The following HEATR4 variants were observed in gnomAD, a reference collection of about 807,000 sequenced individuals.
HEATR4 encodes HEAT repeat-containing protein 4.
In HEATR4, 95 loss-of-function variants were observed where a neutral mutation model predicts 108.8. The ratio of observed to expected loss-of-function variants is 0.87; its 90% CI spans 0.74 to 1.04. The LOEUF (loss-of-function observed/expected upper bound fraction) is 1.04, where lower values mean the gene tolerates loss of function less well. Ranked by LOEUF, HEATR4 falls within the 50% of genes least tolerant of loss-of-function variation. The pLI, the probability that HEATR4 is intolerant of heterozygous loss-of-function variation, is 0.00. For synonymous variants in HEATR4, 443 were observed against 459.4 expected, an observed-to-expected ratio of 0.96 and a Z score of 0.46; for missense variants, 1,152 against 1,253.8, an observed-to-expected ratio of 0.92 and a Z score of 1.23.
chr14:73,491,838 C>A (rs776243646), intron 17 of HEATR4: 1 of 1,609,140 alleles, frequency 6.2e-7, no homozygotes, highest in East Asian at 2.2e-5. Context: ...CGACGCGAGA[C>A]CCTGAACCCA....
At chr14:73,572,113 C>T in the HEATR4 span, among the ~76,000 whole-genome samples, 17,285 of 133,522 alleles carry the variant, frequency 0.13, 2,271 homozygotes, top group African/African-American at 0.38. Flanking sequence ...TCTTAACTTA[C>T]AAAGTTAAAT....
chr14:73,502,920 C>T lies in HEATR4; in HGVS notation c.2080G>A (p.Gly694Arg), dbSNP rs201974868. The T allele has an allele frequency of 1.9e-4, 304 of 1,613,590 alleles. 1 individual carries two copies. The highest frequency in any genetic ancestry group is 2.4e-4 in the Non-Finnish European group (280 of 1,179,770). Residue 694 changes from glycine to arginine, a missense_variant, in exon 11 of 18, where the codon GGG becomes AGG. By Grantham distance (125) the Gly-to-Arg change is moderately radical. Coordinates refer to ENST00000553558, the MANE Select transcript of HEATR4 (RefSeq NM_001220484.1). ...CTGATTATGTCGTGCACCTCTTTCC[C>T]GAGGCTCATTTGCCCAAGCGCCTGT... ...AAQALGQMSLGKEVHDIIRVK... is the reference protein window; with the variant it reads ...AAQALGQMSLRKEVHDIIRVK...
At chr14:73,511,901 C>T in intron 7 of HEATR4, 105 bp downstream of exon 7, 2 of 1,422,478 alleles carry the variant, frequency 1.4e-6, no homozygotes, top group Non-Finnish European at 2.0e-6. Flanking sequence ...TTGGTTTCCA[C>T]ATTTGTAAAA....
chr14:73,574,778 T>C, the HEATR4 span: 6 of 1,501,314 alleles, frequency 4.0e-6, no homozygotes, highest in Middle Eastern at 4.8e-4. Context: ...TTCTCAAAGT[T>C]GCAAATCTGG....
chr14:73,559,236 C>T (rs1209047703), upstream of HEATR4, among the ~76,000 whole-genome samples: 2 of 151,736 alleles, frequency 1.3e-5, no homozygotes, highest in Non-Finnish European at 2.9e-5. Context: ...CAGGTTCAAG[C>T]AATTCTCCTG....
chr14:73,579,798 A>C, the HEATR4 span, among the ~76,000 whole-genome samples: 1 of 151,968 alleles, frequency 6.6e-6, no homozygotes, highest in East Asian at 1.9e-4. Flanking sequence ...GCATATTTAA[A>C]GTGTATAACA....
At chr14:73,628,099 G>A in the HEATR4 span, among the ~76,000 whole-genome samples, 1 of 152,228 alleles carries the variant, frequency 6.6e-6, no homozygotes, top group South Asian at 2.1e-4. Flanking sequence ...GTGAGCCACT[G>A]TGTCTGGCTT....
At chr14:73,550,022 A>ACAGCATTGG (rs1465682533) in intron 1 of HEATR4, among the ~76,000 whole-genome samples, 1 of 102,010 alleles carries the variant, frequency 9.8e-6, no homozygotes, top group African/African-American at 3.3e-5. Context: ...TGCAGCACAC[A>ACAGCATTGG]CAGCATTGGT....
chr14:73,595,647 A>G, the HEATR4 span: 2 of 1,519,784 alleles, frequency 1.3e-6, no homozygotes, highest in African/African-American at 2.8e-5. Context: ...GCTGTCCCTA[A>G]ATTGTAATGC....
At chr14:73,556,979 G>A (rs1264819347) in intron 1 of HEATR4, among the ~76,000 whole-genome samples, 8 of 112,910 alleles carry the variant, frequency 7.1e-5, no homozygotes, top group African/African-American at 2.0e-4. Context: ...CCTTATTATC[G>A]AAACTTACAC....
At chr14:73,574,806 G>A in the HEATR4 span, 36 of 1,585,134 alleles carry the variant, frequency 2.3e-5, no homozygotes, top group Middle Eastern at 2.1e-4. Flanking sequence ...GTAGAACCTA[G>A]ATTCAGACTC....
At chr14:73,568,859 A>C in the HEATR4 span, among the ~76,000 whole-genome samples, 1 of 152,082 alleles carries the variant, frequency 6.6e-6, no homozygotes, top group African/African-American at 2.4e-5. Flanking sequence ...ACACAAAAGC[A>C]AAACACCATG....
rs1365134793 is a variant in HEATR4, at chr14:73,492,423, C to G, written c.2844+643G>C. 6.2e-7 allele frequency: 1 copy of G among 1,613,718 alleles called. No individual in the cohort carries two copies. The highest frequency in any genetic ancestry group is 1.3e-5 in the African/African-American group (1 of 74,980). The stretch of plus-strand genomic sequence containing the variant: ...TACATGGGGGCCCAGCATTCAGATT[C>G]TAAGGATCCGCGAAGAACCGCTTTC... On this transcript the variant is annotated intron_variant, in intron 17 of 17. Transcript: ENST00000553558. The surrounding 1 kb of genome is among the most constrained non-coding windows in gnomAD (Gnocchi z 4.9).
Position 73,498,355 on chromosome 14 carries a change from T to G in HEATR4, c.2357-11A>C. On this transcript the variant is annotated splice_polypyrimidine_tract_variant and intron_variant, in intron 13 of 17. Transcript: ENST00000553558. ...CAATCTGTCCCAAAGCTGCAGAGAT[T>G]AGAGGGCAGCATGTCACTGAAGACT... 6.3e-7 allele frequency: 1 copy of G among 1,577,228 alleles called. No individual in the cohort carries two copies. Among genetic ancestry groups the G allele is most frequent in the Non-Finnish European group, 8.7e-7 (1 of 1,154,232 alleles).
At chr14:73,564,260 T>G in the HEATR4 span, among the ~76,000 whole-genome samples, 3 of 150,386 alleles carry the variant, frequency 2.0e-5, no homozygotes, top group Non-Finnish European at 3.0e-5. Flanking sequence ...ATCAGACCAC[T>G]GCACTCCAGC....
chr14:73,523,082 C>A lies in HEATR4; in HGVS notation c.71G>T (p.Gly24Val), dbSNP rs569097038. Residue 24 changes from glycine to valine, a missense_variant, in exon 3 of 18, where the codon GGA becomes GTA. Gly to Val is a moderately radical substitution (Grantham distance 109). Transcript: ENST00000553558. The part of the protein sequence containing the change: ...CFYQSLPPRL[G>V]WGMILNYSKL... ...TGAGTAGTTTAAAATCATGCCCCAT[C>A]CCAGTCGTGGGGGCAGTGACTGATA... 2.5e-6 allele frequency: 4 copies of A among 1,612,848 alleles called. No homozygotes were observed. Among genetic ancestry groups the A allele is most frequent in the Non-Finnish European group, 3.4e-6 (4 of 1,179,998 alleles).
chr14:73,513,468 G>A (rs10151251), intron 6 of HEATR4, among the ~76,000 whole-genome samples: 82,971 of 125,310 alleles, frequency 0.66, 24,067 homozygotes, highest in East Asian at 0.86. Flanking sequence ...CTCAGAAAAA[G>A]AAAAAAGGGC....
chr14:73,579,357 A>C, the HEATR4 span, among the ~76,000 whole-genome samples: 1 of 148,718 alleles, frequency 6.7e-6, no homozygotes, highest in Non-Finnish European at 1.5e-5. Flanking sequence ...CGAGGGGATC[A>C]TGAGGTCGGG....
At chr14:73,509,058 G>A (rs992290573) in intron 8 of HEATR4, among the ~76,000 whole-genome samples, 2 of 151,952 alleles carry the variant, frequency 1.3e-5, no homozygotes, top group Non-Finnish European at 2.9e-5. Flanking sequence ...ATAGAGATGG[G>A]GTCTTGTTAT....
Sources: allele counts gnomAD v4.1 joint callset (sites outside exome capture counted in the v4.1 genomes callset), GRCh38; gene constraint gnomAD v4.1.1; non-coding constraint Gnocchi (gnomAD v3.1); transcripts MANE v1.5; gene names NCBI Gene and HGNC (gene_info 2026-07-23, HGNC 2026-07-21).